The following WDPCP variants were observed in gnomAD, a reference collection of about 807,000 sequenced individuals.
WDPCP encodes WD repeat-containing and planar cell polarity effector protein fritz homolog.
Under a neutral mutation model 93.1 loss-of-function variants are expected in WDPCP, and 71 were observed. The ratio of observed to expected loss-of-function variants is 0.76; its 90% CI spans 0.63 to 0.93. The LOEUF (loss-of-function observed/expected upper bound fraction) is 0.93, where lower values mean the gene tolerates loss of function less well. Among genes scored for constraint, WDPCP ranks in the 40% least tolerant of loss-of-function variants. WDPCP has a pLI of 0.00. For missense variants in WDPCP, 844 were observed against 887.4 expected, an observed-to-expected ratio of 0.95 and a Z score of 0.62; for synonymous variants, 315 against 315.0, an observed-to-expected ratio of 1.00 and a Z score of 0.00.
intron 17 of WDPCP, among the ~76,000 whole-genome samples, chr2:63,128,755 G>A (rs896004594): frequency 2.6e-5 from 4 of 152,136 alleles, no homozygotes; most frequent in Admixed American, 6.5e-5. Flanking sequence ...CACAACCTCC[G>A]CCTCCTGGGT....
intron 1 of WDPCP, among the ~76,000 whole-genome samples, chr2:63,537,831 A>G (rs1313163521): frequency 6.6e-6 from 1 of 152,202 alleles, no homozygotes; most frequent in Non-Finnish European, 1.5e-5. Context: ...TGTCTCCTGC[A>G]CAAAACTGTA....
intron 1 of WDPCP, among the ~76,000 whole-genome samples, chr2:63,532,931 C>A (rs900835245): frequency 5.3e-5 from 8 of 152,124 alleles, no homozygotes; most frequent in African/African-American, 1.9e-4. Context: ...GATAAAAAGT[C>A]AAGACCCACC....
intron 14 of WDPCP, among the ~76,000 whole-genome samples, chr2:63,258,307 TG>T (rs551554243): frequency 2.9e-3 from 442 of 152,192 alleles, no homozygotes; most frequent in African/African-American, 0.01. Context: ...TCTTTCAGGA[TG>T]GGGGAAGGAG....
intron 3 of WDPCP, among the ~76,000 whole-genome samples, chr2:63,618,349 C>CA (rs1194500939): frequency 6.6e-6 from 1 of 152,218 alleles, no homozygotes; most frequent in East Asian, 1.9e-4. Context: ...GAAGTACAAT[C>CA]GGCAACTAAG....
chr2:63,602,063 A>G (rs1429085440), intron 3 of WDPCP, among the ~76,000 whole-genome samples: 1 of 152,248 alleles, frequency 6.6e-6, no homozygotes, highest in Non-Finnish European at 1.5e-5. Context: ...GTGGAGACTA[A>G]TGCAAATATT....
chr2:63,204,336 CTTTTTTTTTTTTT>C (rs397872785), intron 14 of WDPCP, among the ~76,000 whole-genome samples: 4 of 92,294 alleles, frequency 4.3e-5, no homozygotes, highest in African/African-American at 1.2e-4. Context: ...GCCCGTTTGC[CTTTTTTTTTTTTT>C]TTTTTTTTTG....
intron 13 of WDPCP, among the ~76,000 whole-genome samples, chr2:63,278,406 G>A (rs1391271236): frequency 1.3e-5 from 2 of 151,910 alleles, no homozygotes. Flanking sequence ...AAGAAGTACC[G>A]AAGATGAGAG....
At chr2:63,235,917 T>A (rs1679348711) in intron 14 of WDPCP, among the ~76,000 whole-genome samples, 1 of 151,974 alleles carries the variant, frequency 6.6e-6, no homozygotes, top group South Asian at 2.1e-4. Context: ...CTGGAAGCAT[T>A]CCCCTTAGGA....
chr2:63,514,741 G>A (rs919897172), intron 1 of WDPCP, among the ~76,000 whole-genome samples: 2 of 152,122 alleles, frequency 1.3e-5, no homozygotes, highest in South Asian at 2.1e-4. Context: ...ATGAAAATAC[G>A]GGTTTAGGAG....
chr2:63,205,085 T>C (rs766172685), intron 14 of WDPCP, among the ~76,000 whole-genome samples: 1 of 152,176 alleles, frequency 6.6e-6, no homozygotes, highest in South Asian at 2.1e-4. Flanking sequence ...CCCAGTACCA[T>C]TTATTGAAGA....
At chr2:63,600,243 C>T (rs891280813) in intron 3 of WDPCP, among the ~76,000 whole-genome samples, 4 of 152,228 alleles carry the variant, frequency 2.6e-5, no homozygotes, top group African/African-American at 9.7e-5. Context: ...TGTTAAGCAT[C>T]TACTGTAAAT....
chr2:63,131,228 T>G (rs905042129), intron 17 of WDPCP, among the ~76,000 whole-genome samples: 14 of 152,190 alleles, frequency 9.2e-5, no homozygotes, highest in African/African-American at 3.4e-4. Context: ...GTTTGTCACC[T>G]GTTTTCTGTA....
At chr2:63,626,896 G>A (rs1340158748) in intron 3 of WDPCP, among the ~76,000 whole-genome samples, 1 of 151,404 alleles carries the variant, frequency 6.6e-6, no homozygotes, top group Non-Finnish European at 1.5e-5. Flanking sequence ...GATGGGTGCA[G>A]CAAACCACCA....
chr2:63,308,301 C>T (rs1261546189), intron 13 of WDPCP, among the ~76,000 whole-genome samples: 3 of 152,080 alleles, frequency 2.0e-5, no homozygotes, highest in African/African-American at 7.2e-5. Context: ...GGTGAGAGCA[C>T]AAATTAGTTC....
Position 63,532,769 on chromosome 2 carries a change from A to G in WDPCP, c.76-39829T>C, listed in dbSNP as rs184158687. On this transcript the variant is annotated intron_variant, in intron 1 of 17. Transcript: ENST00000272321. ...ACTGCAAAAACATGTCAAATTCTAA[A>G]GACCATCAATGCTAGGAAGAAACTG... is the stretch of plus-strand genomic sequence containing the variant. 3.1e-3 allele frequency among the ~76,000 whole-genome samples: 468 copies of G among 152,346 alleles called. 4 individuals are homozygous for G. Among genetic ancestry groups the G allele is most frequent in the African/African-American group, 0.011 (448 of 41,576 alleles).
intron 1 of WDPCP, among the ~76,000 whole-genome samples, chr2:63,817,693 C>T (rs4318375): frequency 0.53 from 80,914 of 151,882 alleles, 21,967 homozygotes; most frequent in East Asian, 0.82. Context: ...ATTTATTATC[C>T]GTCCCTTTAC....
chr2:63,630,995 A>G (rs1379790353), intron 3 of WDPCP, among the ~76,000 whole-genome samples: 1 of 152,176 alleles, frequency 6.6e-6, no homozygotes, highest in Admixed American at 6.5e-5. Context: ...TGAAAATATA[A>G]TATATCAAAA....
At chr2:63,151,265 C>A (rs1313234194) in intron 17 of WDPCP, among the ~76,000 whole-genome samples, 1 of 152,260 alleles carries the variant, frequency 6.6e-6, no homozygotes, top group Non-Finnish European at 1.5e-5. Context: ...TCTGCTGTTG[C>A]TCAGGGTGGA....
At chr2:63,302,367 A>C (rs1364448111) in intron 13 of WDPCP, among the ~76,000 whole-genome samples, 1 of 152,222 alleles carries the variant, frequency 6.6e-6, no homozygotes, top group African/African-American at 2.4e-5. Flanking sequence ...AGCAAATACC[A>C]TTCCCAGTAG....
Sources: gnomAD v4.1 joint callset for allele counts (sites outside exome capture counted in the v4.1 genomes callset) on GRCh38, gnomAD v4.1.1 for gene constraint, MANE v1.5 for transcripts, NCBI Gene and HGNC (gene_info 2026-07-23, HGNC 2026-07-21) for gene names.